MICAL3: variants seen among roughly 807,000 people sequenced by gnomAD.
The protein encoded by MICAL3 is microtubule associated monooxygenase, calponin and LIM domain containing 3, also known as [F-actin]-monooxygenase MICAL3.
MICAL3 carries 62 observed loss-of-function variants against 207.4 expected under a neutral mutation model. The observed-to-expected ratio is 0.30, with a 90% CI of 0.24 to 0.37. MICAL3 has a LOEUF of 0.37. Ranked by LOEUF, MICAL3 falls within the 10% of genes least tolerant of loss-of-function variation. The pLI is 1.00. For missense variants in MICAL3, 2,368 were observed against 2,635.6 expected (o/e 0.90, Z 2.22); for synonymous variants, 1,077 against 1,069.3 (o/e 1.01, Z -0.14).
At chr22:17,951,365 A>G (rs1480230721) in intron 1 of MICAL3, among the ~76,000 whole-genome samples, 1 of 151,994 alleles carries the variant, frequency 6.6e-6, no homozygotes, top group African/African-American at 2.4e-5. Context: ...AGCTCCATCT[A>G]CCTTACTATT....
chr22:17,907,408 A>G (rs1172831713), intron 1 of MICAL3, among the ~76,000 whole-genome samples: 2 of 152,186 alleles, frequency 1.3e-5, no homozygotes, highest in Admixed American at 1.3e-4. Flanking sequence ...TTAAACGGAG[A>G]CATCAGGCCA....
intron 19 of MICAL3, among the ~76,000 whole-genome samples, chr22:17,857,177 G>T (rs1926010874): frequency 6.6e-6 from 1 of 152,180 alleles, no homozygotes; most frequent in Admixed American, 6.5e-5. Flanking sequence ...CCCGGGCTGG[G>T]TCATAGACCC....
At chr22:17,862,805 G>A (rs915196657) in intron 19 of MICAL3, 20 of 985,324 alleles carry the variant, frequency 2.0e-5, no homozygotes, top group South Asian at 4.7e-5. Context: ...CTGAGCTGCC[G>A]GAGGGTAAGC....
At chr22:17,950,057 G>C (rs1050174737) in intron 1 of MICAL3, among the ~76,000 whole-genome samples, 12 of 152,334 alleles carry the variant, frequency 7.9e-5, no homozygotes, top group African/African-American at 2.9e-4. Context: ...CTGGAGAAGT[G>C]TGGGCAGTGT....
chr22:17,961,889 A>G (rs1934929213), intron 1 of MICAL3, among the ~76,000 whole-genome samples: 1 of 152,186 alleles, frequency 6.6e-6, no homozygotes, highest in Non-Finnish European at 1.5e-5. Context: ...CCAATGGGCA[A>G]GTGGCGGGGC....
chr22:18,000,183 T>C (rs1253236872), intron 1 of MICAL3, among the ~76,000 whole-genome samples: 3 of 151,534 alleles, frequency 2.0e-5, no homozygotes, highest in African/African-American at 4.9e-5. Context: ...CAAATACACA[T>C]TGGTGGCCTG....
At chr22:17,977,588 C>G (rs1197964511) in intron 1 of MICAL3, among the ~76,000 whole-genome samples, 1 of 151,140 alleles carries the variant, frequency 6.6e-6, no homozygotes, top group Admixed American at 6.6e-5. Context: ...TGTGGGGAAA[C>G]TGGAACCCTC....
intron 27 of MICAL3, chr22:17,812,415 T>G: frequency 3.6e-6 from 2 of 557,868 alleles, no homozygotes; most frequent in Non-Finnish European, 4.6e-6. Flanking sequence ...ACACAGTTAG[T>G]GAGGATGTGG....
chr22:17,863,422 T>C, intron 19 of MICAL3: 1 of 985,412 alleles, frequency 1.0e-6, no homozygotes, highest in South Asian at 4.7e-5. Context: ...TCTAGACCCC[T>C]TTGGTTATTT....
intron 16 of MICAL3, among the ~76,000 whole-genome samples, chr22:17,872,347 G>T (rs1422808275): frequency 6.6e-6 from 1 of 152,164 alleles, no homozygotes; most frequent in Non-Finnish European, 1.5e-5. Flanking sequence ...GGCGACGCCG[G>T]GAAATATCGA....
At chr22:17,942,452 C>CT (rs1450073499) in intron 1 of MICAL3, among the ~76,000 whole-genome samples, 1 of 152,200 alleles carries the variant, frequency 6.6e-6, no homozygotes, top group Non-Finnish European at 1.5e-5. Context: ...AGTGGTGTGG[C>CT]TTTAACAGCC....
At chr22:18,023,272 G>A (rs1924598511) in intron 1 of MICAL3, among the ~76,000 whole-genome samples, 1 of 152,062 alleles carries the variant, frequency 6.6e-6, no homozygotes, top group Non-Finnish European at 1.5e-5. Context: ...CCCAGTGTTT[G>A]GGCCATATCC....
chr22:17,818,443 G>T lies in MICAL3; in HGVS notation c.4218C>A (p.Ser1406=). 1 of 1,612,872 alleles carries T rather than the reference G, an allele frequency of 6.2e-7. No homozygotes were observed. The highest frequency in any genetic ancestry group is 8.5e-7 in the Non-Finnish European group (1 of 1,179,894). The change falls in exon 26 of 32, where the codon TCC becomes TCA. Residue 1406 remains serine (S), a synonymous_variant. Coordinates refer to ENST00000441493, the MANE Select transcript of MICAL3 (RefSeq NM_015241.3). ...CGCTGCGTAGCTCTCTGTCGGACGG[G>T]GACCGGGGGGTTGGCAGGGACAACG... ...GEPLSLPTPR[S]PSDRELRSAQ...
chr22:17,872,822 G>A, intron 16 of MICAL3: 2 of 1,612,974 alleles, frequency 1.2e-6, no homozygotes, highest in Non-Finnish European at 1.7e-6. Flanking sequence ...CAGCCAATGA[G>A]CTCACTCCGC....
intron 1 of MICAL3, among the ~76,000 whole-genome samples, chr22:17,924,654 C>T (rs1278167841): frequency 6.6e-6 from 1 of 152,246 alleles, no homozygotes; most frequent in African/African-American, 2.4e-5. Flanking sequence ...CACATCTGAT[C>T]CCAAGCATTT....
intron 19 of MICAL3, among the ~76,000 whole-genome samples, chr22:17,856,021 A>G (rs1925846937): frequency 6.6e-6 from 1 of 152,240 alleles, no homozygotes; most frequent in Non-Finnish European, 1.5e-5. Flanking sequence ...CATGTGCAAC[A>G]TGGGGCCTGC....
chr22:17,825,950 C>G (rs993279266), intron 22 of MICAL3, among the ~76,000 whole-genome samples: 5 of 152,182 alleles, frequency 3.3e-5, no homozygotes, highest in Admixed American at 6.5e-5. Flanking sequence ...GGTGTCACCC[C>G]TGGTCACACC....
rs1007412706 is a variant in MICAL3, at chr22:17,939,378, A to G, written c.-74-32492T>C. ...GGGCCTGAGATTCAGCCGGCACCCAACTCAGCAAGTCACACACCAGCTGAG... is the reference window on the plus strand; with the variant it reads ...GGGCCTGAGATTCAGCCGGCACCCAGCTCAGCAAGTCACACACCAGCTGAG... On this transcript the variant is annotated intron_variant, in intron 1 of 31. Transcript: ENST00000441493. Among the ~76,000 whole-genome samples the G allele has an allele frequency of 2.0e-5, 3 of 152,302 alleles. No individual in the cohort carries two copies. In the East Asian group the frequency reaches 5.8e-4, roughly 29 times the overall value.
intron 22 of MICAL3, among the ~76,000 whole-genome samples, chr22:17,827,376 A>G (rs987270854): frequency 4.6e-5 from 7 of 152,174 alleles, no homozygotes; most frequent in African/African-American, 1.7e-4. Context: ...AAGACAGAAA[A>G]TTCTTGGTTT....
Sources: allele counts gnomAD v4.1 joint callset (sites outside exome capture counted in the v4.1 genomes callset), GRCh38; gene constraint gnomAD v4.1.1; transcripts MANE v1.5; gene names NCBI Gene and HGNC (gene_info 2026-07-23, HGNC 2026-07-21).